GALNT18: variants seen among roughly 807,000 people sequenced by gnomAD.
GALNT18 encodes GalNAc-transferase 18.
A neutral mutation model predicts 69.5 loss-of-function variants in GALNT18; 44 were observed. That is an observed-to-expected ratio of 0.63 (90% CI 0.50 to 0.81). The LOEUF is 0.81. Ranked by LOEUF, GALNT18 falls within the 40% of genes least tolerant of loss-of-function variation. The probability of loss-of-function intolerance (pLI) is 0.00; values close to 1 mark genes in which losing one functional copy is unlikely to be tolerated. For synonymous variants in GALNT18, 364 were observed against 318.2 expected (o/e 1.14, Z -1.53); for missense variants, 715 against 810.0 (o/e 0.88, Z 1.42).
At position 11,540,796 on chromosome 11, in the gene GALNT18, C is replaced by A. The variant is rs1238232367; in HGVS notation, c.235+80563G>T. Among the ~76,000 whole-genome samples the A allele has an allele frequency of 6.6e-6, 1 of 152,128 alleles. No individual in the cohort carries two copies. The highest frequency in any genetic ancestry group is 2.4e-5 in the African/African-American group (1 of 41,420). On this transcript the variant is annotated intron_variant, in intron 1 of 10. Transcript: ENST00000227756. This position sits in a 1 kb window ranked among gnomAD's most constrained non-coding sequence, Gnocchi z 4.6. ...CTCAGTGGAAATGTGTGTCAGACAC[C>A]AGGTCTTCAAGGACCCAGACAGAAA...
chr11:11,492,475 T>G (rs373945611), intron 1 of GALNT18, among the ~76,000 whole-genome samples: 2 of 152,164 alleles, frequency 1.3e-5, no homozygotes, highest in Admixed American at 1.3e-4. Context: ...CTATTTACAA[T>G]AGCAAAGACT....
At chr11:11,478,306 G>A (rs4910355) in intron 1 of GALNT18, among the ~76,000 whole-genome samples, 84,652 of 152,142 alleles carry the variant, frequency 0.56, 25,171 homozygotes, top group East Asian at 0.72. Flanking sequence ...AAATGTGAGC[G>A]TAGAATAAAG....
intron 1 of GALNT18, among the ~76,000 whole-genome samples, chr11:11,518,292 T>C (rs1564990079): frequency 6.6e-6 from 1 of 152,268 alleles, no homozygotes; most frequent in Non-Finnish European, 1.5e-5. Flanking sequence ...AAGTAGTGTT[T>C]GTTATCTAAC....
intron 9 of GALNT18, among the ~76,000 whole-genome samples, chr11:11,302,943 C>T (rs7925146): frequency 0.46 from 69,810 of 152,082 alleles, 16,353 homozygotes; most frequent in Middle Eastern, 0.54. Context: ...CAATCCCCCT[C>T]GGGGCTCAGC....
intron 1 of GALNT18, among the ~76,000 whole-genome samples, chr11:11,482,012 A>G (rs569496946): frequency 6.6e-6 from 1 of 152,278 alleles, no homozygotes; most frequent in South Asian, 2.1e-4. Flanking sequence ...GCTCCCCTCT[A>G]GCCACACTGA....
intron 9 of GALNT18, among the ~76,000 whole-genome samples, chr11:11,316,194 A>G (rs1435651045): frequency 6.6e-6 from 1 of 152,216 alleles, no homozygotes; most frequent in African/African-American, 2.4e-5. Context: ...CACGCCACGG[A>G]GTCATGGAGG....
intron 1 of GALNT18, among the ~76,000 whole-genome samples, chr11:11,452,762 T>C (rs528849742): frequency 6.6e-6 from 1 of 152,306 alleles, no homozygotes; most frequent in South Asian, 2.1e-4. Flanking sequence ...CCAGACCCTC[T>C]GATGTCTGGC....
rs574891735 is a variant in GALNT18, at chr11:11,461,170, C to T, written c.236-12234G>A. Among the ~76,000 whole-genome samples, 3 of 152,270 alleles carry T rather than the reference C, an allele frequency of 2.0e-5. No homozygotes were observed. Among genetic ancestry groups the T allele is most frequent in the East Asian group, 3.9e-4 (2 of 5,184 alleles). ...TGATCTCTCTCCGTCAGAAAAATCC[C>T]ACTCCACTCCTGACGGGCTGGCACT... On this transcript the variant is annotated intron_variant, in intron 1 of 10. Transcript: ENST00000227756. This position sits in a 1 kb window ranked among gnomAD's most constrained non-coding sequence, Gnocchi z 4.1.
chr11:11,505,988 A>C lies in GALNT18; in HGVS notation c.236-57052T>G, dbSNP rs1857063278. On this transcript the variant is annotated intron_variant, in intron 1 of 10. Coordinates refer to ENST00000227756, the MANE Select transcript of GALNT18 (RefSeq NM_198516.3). The surrounding 1 kb of genome is among the most constrained non-coding windows in gnomAD (Gnocchi z 4.6). ...TTAAAGCTCAGCTCAGCTTTCAGGG[A>C]CAAAATTATGTATTATTGAGGTTTC... Among the ~76,000 whole-genome samples, 1 of 152,174 alleles carries C rather than the reference A, an allele frequency of 6.6e-6. No individual in the cohort carries two copies. The highest frequency in any genetic ancestry group is 2.1e-4 in the South Asian group (1 of 4,818).
At chr11:11,477,148 T>TA (rs1469775474) in intron 1 of GALNT18, among the ~76,000 whole-genome samples, 1 of 152,194 alleles carries the variant, frequency 6.6e-6, no homozygotes, top group African/African-American at 2.4e-5. Flanking sequence ...GAGAGGCCAC[T>TA]AACACCTCCT....
Position 11,573,152 on chromosome 11 carries a change from T to A in GALNT18, c.235+48207A>T, listed in dbSNP as rs1313586022. The stretch of plus-strand genomic sequence containing the variant: ...TGAACTGGTTCCAAAACCCTGCCTT[T>A]CTGAACTACAGCGCCCCTCCAGAGA... On this transcript the variant is annotated intron_variant, in intron 1 of 10. Transcript: ENST00000227756. This position sits in a 1 kb window ranked among gnomAD's most constrained non-coding sequence, Gnocchi z 4.6. Among the ~76,000 whole-genome samples the A allele has an allele frequency of 2.0e-5, 3 of 152,186 alleles. No homozygotes were observed. The South Asian group carries it at 6.2e-4, about 32-fold the overall frequency.
intron 6 of GALNT18, chr11:11,352,152 T>C (rs769246546): frequency 4.3e-6 from 7 of 1,612,842 alleles, no homozygotes; most frequent in Middle Eastern, 1.6e-4. Flanking sequence ...AGTGTAGAAA[T>C]AGGGGTGCTC....
Position 11,279,712 on chromosome 11 carries a change from G to A in GALNT18, c.1678-8422C>T, listed in dbSNP as rs148840476. On this transcript the variant is annotated intron_variant, in intron 10 of 10. Coordinates refer to ENST00000227756, the MANE Select transcript of GALNT18 (RefSeq NM_198516.3). Reference sequence around the variant, plus strand: ...GGTAAAATAAAGCCATGATGTGAAAGTCAGGATGGTGGTCAGCTCTGGGAA... The same window carrying A: ...GGTAAAATAAAGCCATGATGTGAAAATCAGGATGGTGGTCAGCTCTGGGAA... 6.5e-3 allele frequency among the ~76,000 whole-genome samples: 983 copies of A among 152,302 alleles called. 8 individuals carry two copies. Among genetic ancestry groups the A allele is most frequent in the Non-Finnish European group, 0.011 (770 of 68,032 alleles).
rs907134360 is a variant in GALNT18, at chr11:11,542,495, G to A, written c.235+78864C>T. ...AATGAATGAATGAAGAAATCATCAC[G>A]TGCTTCTCACTTTTCACATGCAAAG... On this transcript the variant is annotated intron_variant, in intron 1 of 10. Coordinates refer to ENST00000227756, the MANE Select transcript of GALNT18 (RefSeq NM_198516.3). The surrounding 1 kb of genome is among the most constrained non-coding windows in gnomAD (Gnocchi z 4.3). Among the ~76,000 whole-genome samples, 1 of 152,206 alleles carries A rather than the reference G, an allele frequency of 6.6e-6. No homozygotes were observed. Among genetic ancestry groups the A allele is most frequent in the Non-Finnish European group, 1.5e-5 (1 of 68,026 alleles).
At chr11:11,545,959 G>C (rs1858044308) in intron 1 of GALNT18, among the ~76,000 whole-genome samples, 2 of 152,180 alleles carry the variant, frequency 1.3e-5, no homozygotes, top group South Asian at 4.1e-4. Context: ...GCACATCACA[G>C]CACACCAGAA....
intron 1 of GALNT18, among the ~76,000 whole-genome samples, chr11:11,579,287 G>A (rs1023415393): frequency 1.4e-4 from 22 of 152,132 alleles, no homozygotes; most frequent in Non-Finnish European, 2.8e-4. Flanking sequence ...GCCCTGAGTC[G>A]AGCCCCACCT....
rs1860139409 is a variant in GALNT18 at position 11,619,670 on chromosome 11, G to A, written c.235+1689C>T. Among the ~76,000 whole-genome samples the A allele has an allele frequency of 6.6e-6, 1 of 152,182 alleles. No individual in the cohort carries two copies. Among genetic ancestry groups the A allele is most frequent in the Admixed American group, 6.5e-5 (1 of 15,284 alleles). On this transcript the variant is annotated intron_variant, in intron 1 of 10. Transcript: ENST00000227756. The surrounding 1 kb of genome is among the most constrained non-coding windows in gnomAD (Gnocchi z 4.9). Reference sequence around the variant, plus strand: ...GGCAAACTAGAAATGTCAAAGTAAGGCATGGCTTTGTGTCTCCTGGGGAAC... The same window carrying A: ...GGCAAACTAGAAATGTCAAAGTAAGACATGGCTTTGTGTCTCCTGGGGAAC...
intron 9 of GALNT18, 47 bp from the exon 10 acceptor site, chr11:11,293,240 CGGAGACA>C (rs1222706049): frequency 7.7e-7 from 1 of 1,302,036 alleles, no homozygotes; most frequent in East Asian, 2.8e-5. Context: ...CCAATGGCCA[CGGAGACA>C]GGAGCATAGG....
chr11:11,370,652 G>A (rs1191255961), intron 6 of GALNT18, among the ~76,000 whole-genome samples: 1 of 151,254 alleles, frequency 6.6e-6, no homozygotes, highest in East Asian at 1.9e-4. Context: ...AAACCACCCA[G>A]AGACATTTTA....
Sources: allele counts gnomAD v4.1 joint callset (sites outside exome capture counted in the v4.1 genomes callset), GRCh38; gene constraint gnomAD v4.1.1; non-coding constraint Gnocchi (gnomAD v3.1); transcripts MANE v1.5; gene names NCBI Gene and HGNC (gene_info 2026-07-23, HGNC 2026-07-21).